FBXO9: variants seen among roughly 807,000 people sequenced by gnomAD.
FBXO9 encodes the protein F-box protein 9.
A neutral mutation model predicts 63.7 loss-of-function variants in FBXO9; 43 were observed. That is an observed-to-expected ratio of 0.67 (90% confidence interval 0.53 to 0.87). The LOEUF (loss-of-function observed/expected upper bound fraction) is 0.87. FBXO9 is among the 40% of genes least tolerant of loss of function. The probability of loss-of-function intolerance (pLI) is 0.00; values close to 1 mark genes in which losing one functional copy is unlikely to be tolerated. For synonymous variants in FBXO9, 156 were observed against 171.7 expected (o/e 0.91, Z 0.72); for missense variants, 442 against 533.2 (o/e 0.83, Z 1.68).
chr6:53,084,315 G>A (rs1386835826), intron 7 of FBXO9, among the ~76,000 whole-genome samples: 1 of 152,050 alleles, frequency 6.6e-6, no homozygotes, highest in Non-Finnish European at 1.5e-5. Flanking sequence ...ATTTATCTAG[G>A]TACAGCATGT....
Position 53,093,817 on chromosome 6 carries a change from G to A in FBXO9, c.960-68G>A, listed in dbSNP as rs1425896057. The A allele has an allele frequency of 5.7e-6, 7 of 1,224,824 alleles. No homozygotes were observed. The East Asian group carries it at 7.8e-5, about 14-fold the overall frequency. The allele number at this position is 1,224,824 out of a possible 1,614,324, so 75.9% of individuals were successfully genotyped here. On this transcript the variant is annotated intron_variant, in intron 10 of 12. Transcript: ENST00000323557. ...GCAAGAGTAAACACTGTTGTAATTT[G>A]TTACTTCTTAGATTACTTAAATCCA...
At position 53,082,624 on chromosome 6, in the gene FBXO9, A is replaced by G. The variant is rs979049488; in HGVS notation, c.653+6A>G. The stretch of plus-strand genomic sequence containing the variant: ...GGATTCTACATCTGTGCCAGGTACT[A>G]AGTTTTTGTTTTTGTTTTTTAAACA... On this transcript the variant is annotated splice_donor_region_variant and intron_variant, in intron 7 of 12. Coordinates refer to ENST00000323557, the MANE Select transcript of FBXO9 (RefSeq NM_033480.3). The G allele has an allele frequency of 1.3e-6, 2 of 1,598,812 alleles. No homozygotes were observed. Among genetic ancestry groups the G allele is most frequent in the African/African-American group, 2.7e-5 (2 of 74,430 alleles).
intron 8 of FBXO9, 51 bp downstream of exon 8, chr6:53,092,598 T>C: frequency 5.3e-6 from 8 of 1,513,910 alleles, no homozygotes; most frequent in Non-Finnish European, 7.3e-6. Flanking sequence ...ATAATGCTGA[T>C]TTTTATAAAT....
chr6:53,098,151 T>C lies in FBXO9; in HGVS notation c.*321T>C. ...TTAATATGAGGTTTATCATGCCCTT[T>C]TTCAAGCAGATTTATGAGCAGATTT... On this transcript the variant is annotated 3_prime_UTR_variant, in exon 13 of 13. Transcript: ENST00000323557. 2.6e-6 allele frequency: 1 copy of C among 385,198 alleles called. No homozygotes were observed. The highest frequency in any genetic ancestry group is 5.4e-6 in the Non-Finnish European group (1 of 186,912). The allele number at this position is 385,198 out of a possible 1,614,324, so 23.9% of individuals were successfully genotyped here.
chr6:53,089,167 C>T (rs559685435), intron 7 of FBXO9, among the ~76,000 whole-genome samples: 15 of 151,892 alleles, frequency 9.9e-5, no homozygotes, highest in African/African-American at 2.7e-4. Context: ...CTCTGCCTCC[C>T]GGGTTCACAC....
Position 53,100,098 on chromosome 6 carries a change from A to AT in FBXO9, c.*2270dup, listed in dbSNP as rs1763310565. On this transcript the variant is annotated 3_prime_UTR_variant, in exon 13 of 13. Transcript: ENST00000323557. ...ACTGGAAAAAGTAACTTTTTTCCAGATTACATTTTCTGTATATTTGTAAAA... is the reference window on the plus strand; with the variant it reads ...ACTGGAAAAAGTAACTTTTTTCCAGATTTACATTTTCTGTATATTTGTAAAA... The AT allele has an allele frequency of 6.6e-6, 1 of 152,190 alleles. No individual in the cohort carries two copies. The highest frequency in any genetic ancestry group is 6.5e-5 in the Admixed American group (1 of 15,278). The allele number at this position is 152,190 out of a possible 1,614,324, so 9.4% of individuals were successfully genotyped here.
In FBXO9 at chr6:53,100,131, G is replaced by A. The variant is rs977846533; in HGVS notation, c.*2301G>A. On this transcript the variant is annotated 3_prime_UTR_variant, in exon 13 of 13. Transcript: ENST00000323557. ...TTCTGTATATTTGTAAAATGCAAAA[G>A]CAATATATATTTGTTGTGAGAAAAT... is the stretch of plus-strand genomic sequence containing the variant. 5 of 152,076 alleles carry A rather than the reference G, an allele frequency of 3.3e-5. No individual in the cohort carries two copies. The highest frequency in any genetic ancestry group is 9.7e-5 in the African/African-American group (4 of 41,400). The allele number at this position is 152,076 out of a possible 1,614,324, so 9.4% of individuals were successfully genotyped here.
chr6:53,071,243 G>A, intron 2 of FBXO9, 100 bp downstream of exon 2: 2 of 1,157,872 alleles, frequency 1.7e-6, no homozygotes, highest in Non-Finnish European at 2.4e-6. Flanking sequence ...ATTACTGTTT[G>A]CATGGAATTT....
At chr6:53,096,559 C>T (rs1400494896) in intron 12 of FBXO9, among the ~76,000 whole-genome samples, 1 of 152,130 alleles carries the variant, frequency 6.6e-6, no homozygotes, top group Non-Finnish European at 1.5e-5. Flanking sequence ...TACTATATCT[C>T]CTTTTTGCTT....
intron 2 of FBXO9, among the ~76,000 whole-genome samples, chr6:53,072,929 G>T (rs938493714): frequency 6.6e-6 from 1 of 152,074 alleles, no homozygotes; most frequent in Non-Finnish European, 1.5e-5. Context: ...CACCATGTTG[G>T]CCGGGCTGTT....
At chr6:53,090,909 G>T (rs980955158) in intron 7 of FBXO9, 5 of 152,104 alleles carry the variant, frequency 3.3e-5, no homozygotes, top group African/African-American at 9.7e-5. Flanking sequence ...AAGAGACAGG[G>T]TCTTGCTATA....
At chr6:53,086,642 CAGG>C (rs1445174282) in intron 7 of FBXO9, among the ~76,000 whole-genome samples, 2 of 152,138 alleles carry the variant, frequency 1.3e-5, no homozygotes, top group African/African-American at 4.8e-5. Flanking sequence ...GTAACTTGAG[CAGG>C]AGAATACATG....
intron 1 of FBXO9, chr6:53,066,299 G>A (rs1562060638): frequency 4.0e-6 from 1 of 247,780 alleles, no homozygotes; most frequent in Non-Finnish European, 6.4e-6. Flanking sequence ...GCCCCGCGAG[G>A]CGTCATTCCC....
chr6:53,067,572 G>C (rs1205016992), intron 1 of FBXO9, among the ~76,000 whole-genome samples: 2 of 152,130 alleles, frequency 1.3e-5, no homozygotes, highest in African/African-American at 4.8e-5. Flanking sequence ...AGCAGGGGAA[G>C]CTCTTGAAGT....
At chr6:53,068,636 G>GT (rs1768796793) in intron 1 of FBXO9, among the ~76,000 whole-genome samples, 1 of 49,364 alleles carries the variant, frequency 2.0e-5, no homozygotes, top group Admixed American at 3.1e-4. Context: ...TCATCTTACG[G>GT]AATATATATA....
rs1562076105 is a variant in FBXO9, at chr6:53,095,611, C to T, written c.1152C>T (p.His384=). The T allele has an allele frequency of 6.2e-7, 1 of 1,613,482 alleles. No individual in the cohort carries two copies. Residue 384 remains histidine (H), a synonymous_variant, in exon 12 of 13, where the codon CAC becomes CAT. Coordinates refer to ENST00000323557, the MANE Select transcript of FBXO9 (RefSeq NM_033480.3). ...HVGLQLCSSG[H]QRFNKLIWIH... ...GGCTACAGCTATGTTCCAGTGGTCA[C>T]CAGAGGTTCAACAAACTCATCTGGA...
At chr6:53,081,260 T>G (rs951869900) in intron 6 of FBXO9, among the ~76,000 whole-genome samples, 162 bp downstream of exon 6, 1 of 152,198 alleles carries the variant, frequency 6.6e-6, no homozygotes, top group Non-Finnish European at 1.5e-5. Flanking sequence ...TAAGCTGTTT[T>G]GTGTTTTGTT....
intron 1 of FBXO9, among the ~76,000 whole-genome samples, chr6:53,069,739 A>G (rs141147306): frequency 2.0e-4 from 31 of 152,320 alleles, no homozygotes; most frequent in African/African-American, 7.5e-4. Flanking sequence ...AGCAATTACA[A>G]TGTGGACTTT....
At position 53,077,306 on chromosome 6, in the gene FBXO9, C is replaced by G. The variant is rs71555536; in HGVS notation, c.307+763C>G. On this transcript the variant is annotated intron_variant, in intron 4 of 12. Transcript: ENST00000323557. ...CGGCTAAAACGGTGAAACCCCGTCT[C>G]TACTAAAAATACAAAAAATTAGCCG... is the stretch of plus-strand genomic sequence containing the variant. 3.5e-3 allele frequency among the ~76,000 whole-genome samples: 529 copies of G among 151,644 alleles called. 5 individuals are homozygous for G. Among genetic ancestry groups the G allele is most frequent in the African/African-American group, 0.012 (504 of 41,390 alleles).
Sources: allele counts gnomAD v4.1 joint callset (sites outside exome capture counted in the v4.1 genomes callset), GRCh38; gene constraint gnomAD v4.1.1; transcripts MANE v1.5; gene names NCBI Gene and HGNC (gene_info 2026-07-23, HGNC 2026-07-21).